The following RAI14 variants were observed in gnomAD, a reference collection of about 807,000 sequenced individuals.
RAI14 encodes ankycorbin.
In RAI14, 45 loss-of-function variants were observed where a neutral mutation model predicts 115.4. The observed-to-expected ratio is 0.39, with a 90% CI of 0.31 to 0.50. The LOEUF (loss-of-function observed/expected upper bound fraction) is 0.50, where lower values mean the gene tolerates loss of function less well. Among genes scored for constraint, RAI14 ranks in the 20% least tolerant of loss-of-function variants. The pLI is 0.85. For synonymous variants in RAI14, 371 were observed against 415.4 expected (o/e 0.89, Z 1.30); for missense variants, 939 against 1,131.2 (o/e 0.83, Z 2.44).
At chr5:34,685,356 A>C (rs1744749830) in intron 1 of RAI14, among the ~76,000 whole-genome samples, 1 of 152,210 alleles carries the variant, frequency 6.6e-6, no homozygotes, top group African/African-American at 2.4e-5. Context: ...GTAACTCAGG[A>C]ATGGAAAACC....
At chr5:34,721,360 AAAATATGTACATATATTTATGTACAT>A (rs1742736035) in intron 2 of RAI14, among the ~76,000 whole-genome samples, 1 of 149,662 alleles carries the variant, frequency 6.7e-6, no homozygotes, top group Non-Finnish European at 1.5e-5. Context: ...ACATACATAT[AAAATATGTACATATATTTATGTACAT>A]AAATATGTAG....
At chr5:34,753,846 G>A (rs1054381568) in intron 2 of RAI14, among the ~76,000 whole-genome samples, 5 of 151,288 alleles carry the variant, frequency 3.3e-5, no homozygotes, top group South Asian at 2.1e-4. Flanking sequence ...CCCAGGAAGC[G>A]GAGGTTGCAG....
chr5:34,688,466 A>G (rs1449662804), intron 2 of RAI14, among the ~76,000 whole-genome samples: 1 of 152,334 alleles, frequency 6.6e-6, no homozygotes, highest in East Asian at 1.9e-4. Flanking sequence ...TGGTTTAAAA[A>G]TCAAAAACTG....
At chr5:34,666,498 T>G (rs1311975701) in intron 1 of RAI14, among the ~76,000 whole-genome samples, 1 of 152,224 alleles carries the variant, frequency 6.6e-6, no homozygotes, top group African/African-American at 2.4e-5. Context: ...GCCACACTTT[T>G]AGTTGAGGAA....
intron 2 of RAI14, among the ~76,000 whole-genome samples, chr5:34,744,976 A>T (rs1745980968): frequency 6.6e-6 from 1 of 152,160 alleles, no homozygotes; most frequent in African/African-American, 2.4e-5. Context: ...CCATTATCAC[A>T]TAGCCTTCAT....
rs553699388 is a variant in RAI14, at chr5:34,665,196, T to C, written c.-49+8721T>C. ...ATACACACATATATATATGTATATA[T>C]ATACACACACCACAGTTTCTTTATC... On this transcript the variant is annotated intron_variant, in intron 1 of 17. Coordinates refer to ENST00000265109, the MANE Select transcript of RAI14 (RefSeq NM_015577.3). 1.1e-4 allele frequency among the ~76,000 whole-genome samples: 11 copies of C among 97,670 alleles called. 2 individuals carry two copies. The highest frequency in any genetic ancestry group is 3.7e-4 in the African/African-American group (9 of 24,574). 64.1% of individuals were successfully genotyped at this position (97,670 alleles called of 152,430 possible). A position where few individuals can be genotyped will look rare whatever the true frequency, so the allele number is the denominator to read the frequency against.
At chr5:34,740,800 C>T (rs183446998) in intron 2 of RAI14, among the ~76,000 whole-genome samples, 50 of 152,300 alleles carry the variant, frequency 3.3e-4, no homozygotes, top group Admixed American at 7.8e-4. Flanking sequence ...CTAGATTTTT[C>T]CCCCTGTGGG....
At chr5:34,699,294 T>C (rs1315669948) in intron 2 of RAI14, among the ~76,000 whole-genome samples, 1 of 152,202 alleles carries the variant, frequency 6.6e-6, no homozygotes, top group Non-Finnish European at 1.5e-5. Flanking sequence ...CTTGCTATGT[T>C]GGTTTCCAAA....
intron 3 of RAI14, among the ~76,000 whole-genome samples, chr5:34,759,714 T>G (rs1748376022): frequency 6.6e-6 from 1 of 152,146 alleles, no homozygotes; most frequent in African/African-American, 2.4e-5. Context: ...ATAATAGAAA[T>G]AAAATACACA....
chr5:34,830,819 C>G lies in RAI14; in HGVS notation c.*54C>G. On this transcript the variant is annotated 3_prime_UTR_variant, in exon 18 of 18. Coordinates refer to ENST00000265109, the MANE Select transcript of RAI14 (RefSeq NM_015577.3). ...TTGTCATCTGTCTTTGTGTTAGATC[C>G]AGAGTTGTCGGCAGCCGCTGCCATT... 1 of 1,609,658 alleles carries G rather than the reference C, an allele frequency of 6.2e-7. No individual in the cohort carries two copies. Among genetic ancestry groups the G allele is most frequent in the Admixed American group, 1.7e-5 (1 of 59,858 alleles).
intron 2 of RAI14, among the ~76,000 whole-genome samples, chr5:34,736,995 TG>T (rs2150037054): frequency 6.6e-6 from 1 of 152,168 alleles, no homozygotes; most frequent in Admixed American, 6.5e-5. Flanking sequence ...GTCGGATGAG[TG>T]GCAACATTAA....
chr5:34,718,734 C>T (rs1742295002), intron 2 of RAI14, among the ~76,000 whole-genome samples: 1 of 152,210 alleles, frequency 6.6e-6, no homozygotes, highest in African/African-American at 2.4e-5. Flanking sequence ...AGTTACTAAA[C>T]CTTGCTGTGC....
chr5:34,760,010 G>A (rs1473704151), intron 3 of RAI14, among the ~76,000 whole-genome samples: 1 of 152,078 alleles, frequency 6.6e-6, no homozygotes, highest in Admixed American at 6.5e-5. Context: ...GTGCTTCTTT[G>A]TTGTTGTTGT....
chr5:34,666,173 C>T (rs749470684), intron 1 of RAI14, among the ~76,000 whole-genome samples: 11 of 152,096 alleles, frequency 7.2e-5, no homozygotes, highest in Non-Finnish European at 1.3e-4. Flanking sequence ...TCCCAGGCCC[C>T]ACCTGACAAT....
At chr5:34,709,631 G>C (rs777615653) in intron 2 of RAI14, among the ~76,000 whole-genome samples, 10 of 152,254 alleles carry the variant, frequency 6.6e-5, no homozygotes, top group Non-Finnish European at 1.0e-4. Context: ...TAACCCCACT[G>C]CACATTAACA....
rs1479921594 is a variant in RAI14, at chr5:34,831,256, T to C, written c.*491T>C. The C allele has an allele frequency of 6.5e-6, 1 of 154,452 alleles. No individual in the cohort carries two copies. The highest frequency in any genetic ancestry group is 1.4e-5 in the Non-Finnish European group (1 of 69,234). 9.6% of individuals were successfully genotyped at this position (154,452 alleles called of 1,614,324 possible). A position where few individuals can be genotyped will look rare whatever the true frequency, so the allele number is the denominator to read the frequency against. The stretch of plus-strand genomic sequence containing the variant: ...ATGGCACTAGTTATGAAGTATCTGC[T>C]TAAAACCCTTCATCATGATATCCTG... On this transcript the variant is annotated 3_prime_UTR_variant, in exon 18 of 18. Transcript: ENST00000265109.
At chr5:34,774,488 A>G (rs1419659566) in intron 3 of RAI14, among the ~76,000 whole-genome samples, 2 of 152,212 alleles carry the variant, frequency 1.3e-5, no homozygotes, top group African/African-American at 2.4e-5. Context: ...TCTGAAAAAA[A>G]GTGAATCAAG....
chr5:34,814,609 A>T lies in RAI14; in HGVS notation c.879A>T (p.Ser293=). Residue 293 remains serine, a synonymous_variant, in exon 12 of 18, where the codon TCA becomes TCT. Coordinates refer to ENST00000265109, the MANE Select transcript of RAI14 (RefSeq NM_015577.3). ...TQLSDVSSPR[S]ITSTPLSGKE... is the part of the protein sequence containing the mutation. ...TGAGTGATGTCTCTTCCCCAAGATC[A>T]ATAACTTCGACTCCACTATCGGGAA... 2 of 1,613,614 alleles carry T rather than the reference A, an allele frequency of 1.2e-6. No homozygotes were observed. The highest frequency in any genetic ancestry group is 1.7e-6 in the Non-Finnish European group (2 of 1,179,596).
chr5:34,741,662 A>G lies in RAI14; in HGVS notation c.37-15806A>G, dbSNP rs80330186. On this transcript the variant is annotated intron_variant, in intron 2 of 17. Coordinates refer to ENST00000265109, the MANE Select transcript of RAI14 (RefSeq NM_015577.3). The stretch of plus-strand genomic sequence containing the variant: ...GGGAGCGCTGGGCAAAGAGGGATTT[A>G]AGGTTTGAAACTGGATTAAGAAAAG... 8.0e-3 allele frequency among the ~76,000 whole-genome samples: 1,225 copies of G among 152,310 alleles called. 22 individuals are homozygous for G. The highest frequency in any genetic ancestry group is 0.028 in the African/African-American group (1,157 of 41,564).
Sources: allele counts gnomAD v4.1 joint callset (sites outside exome capture counted in the v4.1 genomes callset), GRCh38; gene constraint gnomAD v4.1.1; transcripts MANE v1.5; gene names NCBI Gene and HGNC (gene_info 2026-07-23, HGNC 2026-07-21).